IL1RAPL1: variants seen among roughly 807,000 people sequenced by gnomAD.
The protein encoded by IL1RAPL1 is interleukin-1 receptor accessory protein-like 1.
IL1RAPL1 carries 3 observed loss-of-function variants against 48.4 expected under a neutral mutation model. That is an observed-to-expected ratio of 0.06 (90% CI 0.03 to 0.16). IL1RAPL1 has a LOEUF of 0.16. Ranked by LOEUF, IL1RAPL1 falls within the 10% of genes least tolerant of loss-of-function variation. The probability of loss-of-function intolerance (pLI) is 1.00; values close to 1 mark genes in which losing one functional copy is unlikely to be tolerated. For synonymous variants in IL1RAPL1, 185 were observed against 187.7 expected, an observed-to-expected ratio of 0.99 and a Z score of 0.12; for missense variants, 349 against 530.6, an observed-to-expected ratio of 0.66 and a Z score of 3.36.
chrX:29,214,110 A>C (rs1003654915), intron 2 of IL1RAPL1, among the ~76,000 whole-genome samples: 13 of 111,498 alleles, frequency 1.2e-4, no homozygotes, highest in African/African-American at 4.2e-4. Flanking sequence ...GCAAACTAAA[A>C]AGATTAAATA....
At chrX:29,178,294 T>C (rs78877970) in intron 2 of IL1RAPL1, among the ~76,000 whole-genome samples, 16,396 of 111,642 alleles carry the variant, frequency 0.15, 1,146 homozygotes, top group Non-Finnish European at 0.21. Flanking sequence ...TTCTAACTGG[T>C]GTGAAATGGT....
intron 2 of IL1RAPL1, among the ~76,000 whole-genome samples, chrX:28,793,613 T>C (rs1031196490): frequency 8.1e-5 from 9 of 111,314 alleles, no homozygotes; most frequent in Admixed American, 5.8e-4. Context: ...AATATATACA[T>C]TTTAAAATGG....
rs749654953 is a variant in IL1RAPL1, at chrX:29,069,736, A to G, written c.83-213202A>G. Among the ~76,000 whole-genome samples, 22 of 109,855 alleles carry G rather than the reference A, an allele frequency of 2.0e-4. No homozygotes were observed. The South Asian group carries it at 6.3e-3, about 31-fold the overall frequency. ...GCATGATCTTCTGTCATGCAATCCT[A>G]TCAAACATCCAATTCTTTTAAACAG... On this transcript the variant is annotated intron_variant, in intron 2 of 10. Transcript: ENST00000378993.
chrX:28,682,178 A>G (rs1402170689), intron 1 of IL1RAPL1, among the ~76,000 whole-genome samples: 18 of 111,877 alleles, frequency 1.6e-4, no homozygotes, highest in Admixed American at 1.4e-3. Flanking sequence ...ACATTTGTTT[A>G]TTCATTCATC....
chrX:28,845,411 A>G (rs1045542834), intron 2 of IL1RAPL1, among the ~76,000 whole-genome samples: 2 of 111,958 alleles, frequency 1.8e-5, no homozygotes, highest in East Asian at 5.6e-4. Context: ...AATCAATGAT[A>G]TAAAATCTCT....
chrX:29,527,580 C>T (rs1935567889), intron 5 of IL1RAPL1, among the ~76,000 whole-genome samples: 1 of 109,890 alleles, frequency 9.1e-6, no homozygotes, highest in African/African-American at 3.3e-5. Context: ...CCGCCTCATC[C>T]TCCCAAAGTG....
At chrX:29,585,613 C>G (rs1022898606) in intron 5 of IL1RAPL1, among the ~76,000 whole-genome samples, 1 of 112,020 alleles carries the variant, frequency 8.9e-6, no homozygotes. Flanking sequence ...TTCTCCATAA[C>G]AGCTGTACCA....
chrX:29,037,522 A>G (rs538382116), intron 2 of IL1RAPL1, among the ~76,000 whole-genome samples: 4 of 111,729 alleles, frequency 3.6e-5, no homozygotes, highest in Non-Finnish European at 3.8e-5. Flanking sequence ...TTAACAATCA[A>G]TGTACCTCTG....
rs1409896737 is a variant in IL1RAPL1 at position 28,931,749 on chromosome X, T to C, written c.82+142324T>C. ...CAAATGGTGTTATCTGTGCTATATTTAAAATAGGCCAGGTGCGGTGGCTCA... is the reference window on the plus strand; with the variant it reads ...CAAATGGTGTTATCTGTGCTATATTCAAAATAGGCCAGGTGCGGTGGCTCA... On this transcript the variant is annotated intron_variant, in intron 2 of 10. Coordinates refer to ENST00000378993, the MANE Select transcript of IL1RAPL1 (RefSeq NM_014271.4). Among the ~76,000 whole-genome samples, 3 of 111,373 alleles carry C rather than the reference T, an allele frequency of 2.7e-5. No homozygotes were observed. In the East Asian group the frequency reaches 8.4e-4, roughly 31 times the overall value.
chrX:28,823,276 A>G (rs1383932745), intron 2 of IL1RAPL1, among the ~76,000 whole-genome samples: 4 of 111,471 alleles, frequency 3.6e-5, no homozygotes, highest in Non-Finnish European at 7.5e-5. Flanking sequence ...ACGGTAACTT[A>G]TGTGATTGTT....
At chrX:29,279,041 C>A (rs1157739310) in intron 2 of IL1RAPL1, among the ~76,000 whole-genome samples, 1 of 111,945 alleles carries the variant, frequency 8.9e-6, no homozygotes, top group Non-Finnish European at 1.9e-5. Context: ...TGAGGCAAAC[C>A]GTTAACAAAG....
intron 5 of IL1RAPL1, among the ~76,000 whole-genome samples, chrX:29,465,264 G>T (rs1397955291): frequency 3.6e-5 from 4 of 110,306 alleles, no homozygotes; most frequent in Non-Finnish European, 1.9e-5. Context: ...AAATCAGCCA[G>T]GCATGGTGAC....
intron 5 of IL1RAPL1, among the ~76,000 whole-genome samples, chrX:29,413,083 A>G (rs1050507645): frequency 1.8e-5 from 2 of 111,281 alleles, no homozygotes; most frequent in Non-Finnish European, 3.8e-5. Context: ...GGTCTTTGCC[A>G]TGCTGTTCTG....
rs941858534 is a variant in IL1RAPL1 at position 29,236,021 on chromosome X, A to T, written c.83-46917A>T. 2.7e-5 allele frequency among the ~76,000 whole-genome samples: 3 copies of T among 112,397 alleles called. No individual in the cohort carries two copies. In the East Asian group the frequency reaches 8.4e-4, roughly 31 times the overall value. ...TCTATTGATGTGTTTAAGCAGCATC[A>T]AACAAGCACACACATCAATGGAAAT... On this transcript the variant is annotated intron_variant, in intron 2 of 10. Coordinates refer to ENST00000378993, the MANE Select transcript of IL1RAPL1 (RefSeq NM_014271.4).
chrX:29,073,578 C>T (rs747484085), intron 2 of IL1RAPL1, among the ~76,000 whole-genome samples: 4 of 111,508 alleles, frequency 3.6e-5, no homozygotes, highest in Non-Finnish European at 7.5e-5. Flanking sequence ...GTTCCTTCCT[C>T]GTTTCTTTAT....
intron 6 of IL1RAPL1, among the ~76,000 whole-genome samples, chrX:29,696,089 C>T (rs1009819367): frequency 9.0e-6 from 1 of 111,336 alleles, no homozygotes; most frequent in Non-Finnish European, 1.9e-5. Flanking sequence ...GCACTACTGA[C>T]ATTTTGTGCT....
At chrX:29,466,814 T>G (rs746196941) in intron 5 of IL1RAPL1, among the ~76,000 whole-genome samples, 3 of 112,034 alleles carry the variant, frequency 2.7e-5, no homozygotes, top group Admixed American at 9.5e-5. Context: ...TGCTGTGAAG[T>G]AGGCAGGGAA....
At chrX:28,746,635 A>G (rs1376015188) in intron 1 of IL1RAPL1, among the ~76,000 whole-genome samples, 3 of 112,121 alleles carry the variant, frequency 2.7e-5, no homozygotes, top group Non-Finnish European at 5.6e-5. Context: ...AATGTTCTGA[A>G]TAGATTCCAA....
chrX:29,331,695 T>A (rs184835407), intron 3 of IL1RAPL1, among the ~76,000 whole-genome samples: 15 of 112,315 alleles, frequency 1.3e-4, no homozygotes, highest in African/African-American at 4.8e-4. Flanking sequence ...TTTAACATCT[T>A]ATTCTGTATA....
Sources: allele counts gnomAD v4.1 joint callset (sites outside exome capture counted in the v4.1 genomes callset), GRCh38; gene constraint gnomAD v4.1.1; transcripts MANE v1.5; gene names NCBI Gene and HGNC (gene_info 2026-07-23, HGNC 2026-07-21).